The following LNX2 variants were observed in gnomAD, a reference collection of about 807,000 sequenced individuals.
LNX2 encodes ligand of Numb protein X 2.
Under a neutral mutation model 66.2 loss-of-function variants are expected in LNX2, and 35 were observed. The observed-to-expected ratio is 0.53, with a 90% CI of 0.40 to 0.70. The LOEUF is 0.70. Among genes scored for constraint, LNX2 ranks in the 30% least tolerant of loss-of-function variants. LNX2 has a pLI of 0.00. For synonymous variants in LNX2, 337 were observed against 315.6 expected (o/e 1.07, Z -0.72); for missense variants, 791 against 850.8 (o/e 0.93, Z 0.87).
At chr13:27,613,248 G>A (rs1955791657) in intron 1 of LNX2, among the ~76,000 whole-genome samples, 1 of 152,126 alleles carries the variant, frequency 6.6e-6, no homozygotes, top group African/African-American at 2.4e-5. Flanking sequence ...GAGACGCTCT[G>A]CAAGGCCAAA....
intron 1 of LNX2, among the ~76,000 whole-genome samples, chr13:27,611,522 A>G (rs1955772846): frequency 6.6e-6 from 1 of 152,258 alleles, no homozygotes; most frequent in South Asian, 2.1e-4. Context: ...GATCTGTTGC[A>G]CTGTAATGTG....
intron 9 of LNX2, among the ~76,000 whole-genome samples, chr13:27,549,721 C>T (rs1433823486): frequency 6.6e-6 from 1 of 152,212 alleles, no homozygotes; most frequent in East Asian, 1.9e-4. Flanking sequence ...AGCTATTGTA[C>T]ATTCATTCAT....
At chr13:27,612,511 A>C (rs529927965) in intron 1 of LNX2, among the ~76,000 whole-genome samples, 3 of 152,396 alleles carry the variant, frequency 2.0e-5, no homozygotes, top group Non-Finnish European at 4.4e-5. Flanking sequence ...CTATGCCAGC[A>C]TCATCCAACA....
At chr13:27,620,799 C>T (rs532090062), upstream of LNX2, 5 of 153,748 alleles carry the variant, frequency 3.3e-5, no homozygotes, top group South Asian at 7.4e-4. Flanking sequence ...CGCCGCCCGC[C>T]TGATTCCCCT....
chr13:27,578,660 T>C (rs1025550872), intron 2 of LNX2, among the ~76,000 whole-genome samples: 1 of 152,180 alleles, frequency 6.6e-6, no homozygotes, highest in African/African-American at 2.4e-5. Context: ...TTAAATACCC[T>C]GAGGCTGTCA....
intron 6 of LNX2, among the ~76,000 whole-genome samples, chr13:27,557,492 A>G (rs986648762): frequency 1.3e-5 from 2 of 152,144 alleles, no homozygotes; most frequent in African/African-American, 4.8e-5. Flanking sequence ...TTAAGTGTAC[A>G]GTGTAAGATA....
intron 6 of LNX2, 69 bp from the exon 7 acceptor site, chr13:27,556,482 A>G: frequency 6.3e-6 from 8 of 1,279,736 alleles, no homozygotes; most frequent in Non-Finnish European, 8.8e-6. Context: ...TATTACTTCA[A>G]ACTAAGGTAA....
chr13:27,611,674 G>A (rs1469204335), intron 1 of LNX2, among the ~76,000 whole-genome samples: 2 of 152,004 alleles, frequency 1.3e-5, no homozygotes, highest in Non-Finnish European at 1.5e-5. Flanking sequence ...TTCAACCACT[G>A]AAAATTCAGC....
At chr13:27,620,057 C>A (rs633459) in intron 1 of LNX2, among the ~76,000 whole-genome samples, 129,896 of 152,118 alleles carry the variant, frequency 0.85, 56,020 homozygotes, top group East Asian at 0.94. Context: ...CGACGCCAAG[C>A]TCTGCACCAC....
At chr13:27,562,878 TG>T (rs1955154782) in intron 4 of LNX2, 97 bp from the exon 5 acceptor site, 26 of 1,255,356 alleles carry the variant, frequency 2.1e-5, no homozygotes, top group Non-Finnish European at 2.2e-5. Context: ...CTAAGTATTG[TG>T]AGAGTGCTAA....
At chr13:27,583,457 C>CAA (rs1473228793) in intron 1 of LNX2, among the ~76,000 whole-genome samples, 1 of 151,992 alleles carries the variant, frequency 6.6e-6, no homozygotes, top group Non-Finnish European at 1.5e-5. Flanking sequence ...GGGGTTTCAC[C>CAA]ATATTGGCCA....
intron 1 of LNX2, among the ~76,000 whole-genome samples, chr13:27,615,438 T>C (rs973167731): frequency 1.3e-5 from 2 of 152,212 alleles, no homozygotes; most frequent in Non-Finnish European, 1.5e-5. Context: ...CCCTGTCCTC[T>C]TGGGCCTTTT....
intron 1 of LNX2, among the ~76,000 whole-genome samples, chr13:27,583,320 C>T (rs887672391): frequency 4.0e-5 from 6 of 149,442 alleles, no homozygotes; most frequent in Admixed American, 3.3e-4. Flanking sequence ...AGTACAGCGG[C>T]GTACTTGGCT....
At chr13:27,610,926 T>C (rs969548177) in intron 1 of LNX2, among the ~76,000 whole-genome samples, 4 of 152,172 alleles carry the variant, frequency 2.6e-5, no homozygotes, top group Non-Finnish European at 5.9e-5. Context: ...TACCCATTAA[T>C]ATGGCTACTA....
intron 9 of LNX2, among the ~76,000 whole-genome samples, chr13:27,549,095 A>G (rs1193500443): frequency 6.6e-6 from 1 of 152,230 alleles, no homozygotes; most frequent in African/African-American, 2.4e-5. Context: ...ACAGAGGCCC[A>G]GACTGGTTAA....
intron 9 of LNX2, among the ~76,000 whole-genome samples, chr13:27,549,896 A>C (rs112074378): frequency 0.052 from 7,926 of 152,296 alleles, 221 homozygotes; most frequent in Middle Eastern, 0.092. Context: ...TAATGACAGG[A>C]CTGGACCTGA....
intron 1 of LNX2, among the ~76,000 whole-genome samples, chr13:27,606,227 T>A (rs1306803341): frequency 1.3e-5 from 2 of 152,178 alleles, no homozygotes; most frequent in Non-Finnish European, 2.9e-5. Context: ...GTACCAAATA[T>A]GTTTTATTTC....
At chr13:27,601,304 A>T (rs954255119) in intron 1 of LNX2, among the ~76,000 whole-genome samples, 2 of 152,172 alleles carry the variant, frequency 1.3e-5, no homozygotes, top group East Asian at 3.8e-4. Context: ...TGAAATTAAG[A>T]TATTTTTACT....
At chr13:27,553,512 ACTAAG>A in intron 7 of LNX2, 73 bp from the exon 8 acceptor site, 3 of 1,141,772 alleles carry the variant, frequency 2.6e-6, no homozygotes, top group Non-Finnish European at 3.9e-6. Context: ...TTGTTTATAA[ACTAAG>A]CAACAAAAGT....
Sources: gnomAD v4.1 joint callset for allele counts (sites outside exome capture counted in the v4.1 genomes callset) on GRCh38, gnomAD v4.1.1 for gene constraint, MANE v1.5 for transcripts, NCBI Gene and HGNC (gene_info 2026-07-23, HGNC 2026-07-21) for gene names.